SMYD1: variants seen among roughly 807,000 people sequenced by gnomAD.
SMYD1 encodes SET and MYND domain containing 1.
SMYD1 carries 49 observed loss-of-function variants against 54.0 expected under a neutral mutation model. That is an observed-to-expected ratio of 0.91 (90% CI 0.72 to 1.15). The LOEUF is 1.15. Ranked by LOEUF, SMYD1 falls within the 50% of genes most tolerant of loss-of-function variation. The pLI, the probability that SMYD1 is intolerant of heterozygous loss-of-function variation, is 0.00. For missense variants in SMYD1, 653 were observed against 639.6 expected (o/e 1.02, Z -0.23); for synonymous variants, 269 against 234.2 (o/e 1.15, Z -1.36).
intron 6 of SMYD1, among the ~76,000 whole-genome samples, chr2:88,097,803 G>GCA (rs3028133): frequency 0.36 from 53,575 of 149,764 alleles, 10,291 homozygotes; most frequent in Non-Finnish European, 0.45. Context: ...ACATTAAAAG[G>GCA]CACACACACA....
chr2:88,107,272 T>C (rs1674899217), intron 8 of SMYD1, among the ~76,000 whole-genome samples: 2 of 152,212 alleles, frequency 1.3e-5, no homozygotes, highest in South Asian at 2.1e-4. Context: ...TCTGTGTTTA[T>C]GTTGTCATGC....
intron 8 of SMYD1, among the ~76,000 whole-genome samples, 189 bp downstream of exon 8, chr2:88,106,677 T>C (rs960887771): frequency 1.3e-5 from 2 of 152,156 alleles, no homozygotes; most frequent in African/African-American, 4.8e-5. Flanking sequence ...CAATCAGAGT[T>C]TGTGCTTGAG....
intron 1 of SMYD1, among the ~76,000 whole-genome samples, chr2:88,077,236 T>G (rs767361706): frequency 1.3e-5 from 2 of 152,172 alleles, no homozygotes; most frequent in Non-Finnish European, 2.9e-5. Context: ...CAGCTGCCCT[T>G]CCAGCCCTCT....
At chr2:88,077,913 C>T (rs1054487406) in intron 1 of SMYD1, among the ~76,000 whole-genome samples, 3 of 151,916 alleles carry the variant, frequency 2.0e-5, no homozygotes, top group African/African-American at 7.3e-5. Flanking sequence ...TTAGTAGAGA[C>T]GGGGTTTCAC....
chr2:88,091,282 T>C (rs1441163329), intron 4 of SMYD1, 140 bp downstream of exon 4: 1 of 909,210 alleles, frequency 1.1e-6, no homozygotes, highest in Non-Finnish European at 1.6e-6. Flanking sequence ...AGAAATCTCA[T>C]TCCAGAATAA....
At chr2:88,084,672 T>C (rs1401206267) in intron 2 of SMYD1, among the ~76,000 whole-genome samples, 180 bp downstream of exon 2, 2 of 152,206 alleles carry the variant, frequency 1.3e-5, no homozygotes, top group Non-Finnish European at 2.9e-5. Flanking sequence ...GAACTGGCTG[T>C]TGACAGCAGT....
intron 2 of SMYD1, among the ~76,000 whole-genome samples, chr2:88,085,246 G>A (rs532830283): frequency 1.3e-5 from 2 of 152,290 alleles, no homozygotes; most frequent in African/African-American, 2.4e-5. Flanking sequence ...CAGCACCACT[G>A]CTCCCTGTGG....
chr2:88,103,605 A>G (rs555123407), intron 7 of SMYD1, among the ~76,000 whole-genome samples: 1 of 152,246 alleles, frequency 6.6e-6, no homozygotes, highest in East Asian at 1.9e-4. Context: ...CTACACTAGA[A>G]TCACCTTTGA....
At chr2:88,097,371 A>T (rs1674617112) in intron 6 of SMYD1, among the ~76,000 whole-genome samples, 1 of 152,094 alleles carries the variant, frequency 6.6e-6, no homozygotes, top group African/African-American at 2.4e-5. Context: ...AACCCAGCTG[A>T]GCTGGGAGAG....
chr2:88,086,619 C>T (rs972712351), intron 2 of SMYD1, among the ~76,000 whole-genome samples: 3 of 152,310 alleles, frequency 2.0e-5, no homozygotes, highest in Middle Eastern at 3.4e-3. Flanking sequence ...GTGGCTGCCT[C>T]GAGGCCTCCG....
chr2:88,076,864 A>G (rs774075539), intron 1 of SMYD1, among the ~76,000 whole-genome samples: 2 of 152,022 alleles, frequency 1.3e-5, no homozygotes, highest in Non-Finnish European at 2.9e-5. Context: ...AAATAAAAAC[A>G]AGCCAAGCGT....
In SMYD1 at chr2:88,080,992, T is replaced by C. The variant is rs568983307; in HGVS notation, c.138-3324T>C. Reference sequence around the variant, plus strand: ...ATCTTGGCTCATTGCAACCTCTGCCTCCCTGGTTCAAGCGATTCTCCTGCC... The same window carrying C: ...ATCTTGGCTCATTGCAACCTCTGCCCCCCTGGTTCAAGCGATTCTCCTGCC... On this transcript the variant is annotated intron_variant, in intron 1 of 9. Coordinates refer to ENST00000419482, the MANE Select transcript of SMYD1 (RefSeq NM_198274.4). Among the ~76,000 whole-genome samples the C allele has an allele frequency of 4.7e-3, 708 of 151,604 alleles. 7 individuals are homozygous for C. The highest frequency in any genetic ancestry group is 7.9e-3 in the Non-Finnish European group (535 of 67,942).
At chr2:88,096,305 G>A (rs2970911) in intron 5 of SMYD1, among the ~76,000 whole-genome samples, 54,051 of 152,060 alleles carry the variant, frequency 0.36, 9,747 homozygotes, top group Middle Eastern at 0.45. Context: ...GGGCATGGAC[G>A]TTCTGTCTGG....
chr2:88,090,913 T>A, intron 3 of SMYD1, 99 bp from the exon 4 acceptor site: 1 of 1,371,802 alleles, frequency 7.3e-7, no homozygotes, highest in Non-Finnish European at 1.0e-6. Context: ...ATCTCCAGGG[T>A]GAGACTGGGT....
chr2:88,078,703 C>T (rs1032889560), intron 1 of SMYD1, among the ~76,000 whole-genome samples: 4 of 152,206 alleles, frequency 2.6e-5, no homozygotes, highest in African/African-American at 9.7e-5. Flanking sequence ...CCAGCCCCCA[C>T]CCCACATACT....
intron 7 of SMYD1, among the ~76,000 whole-genome samples, chr2:88,104,717 C>A (rs937341320): frequency 6.6e-6 from 1 of 152,244 alleles, no homozygotes; most frequent in African/African-American, 2.4e-5. Flanking sequence ...AATTAGTTCT[C>A]ACTGATTTCA....
intron 8 of SMYD1, among the ~76,000 whole-genome samples, chr2:88,107,987 C>T (rs1674921350): frequency 6.6e-6 from 1 of 152,246 alleles, no homozygotes; most frequent in African/African-American, 2.4e-5. Context: ...TGAGATTAAC[C>T]TGGTACCTCA....
intron 5 of SMYD1, 22 bp downstream of exon 5, chr2:88,093,577 T>C: frequency 6.2e-7 from 1 of 1,614,114 alleles, no homozygotes; most frequent in Non-Finnish European, 8.5e-7. Flanking sequence ...CTTTCAAGCA[T>C]CCCTGCTCCT....
At chr2:88,095,827 A>G (rs930322176) in intron 5 of SMYD1, among the ~76,000 whole-genome samples, 8 of 152,148 alleles carry the variant, frequency 5.3e-5, no homozygotes, top group African/African-American at 1.9e-4. Context: ...TCAGTTCTGC[A>G]GTGGGTTTTT....
Sources: allele counts gnomAD v4.1 joint callset (sites outside exome capture counted in the v4.1 genomes callset), GRCh38; gene constraint gnomAD v4.1.1; transcripts MANE v1.5; gene names NCBI Gene and HGNC (gene_info 2026-07-23, HGNC 2026-07-21).